The following THSD7A variants were observed in gnomAD, a reference collection of about 807,000 sequenced individuals.
THSD7A encodes the protein thrombospondin type 1 domain containing 7A, also known as thrombospondin type-1 domain-containing protein 7A.
THSD7A carries 96 observed loss-of-function variants against 231.3 expected under a neutral mutation model. That is an observed-to-expected ratio of 0.41 (90% confidence interval 0.35 to 0.49). The LOEUF (loss-of-function observed/expected upper bound fraction) is 0.49. Ranked by LOEUF, THSD7A falls within the 20% of genes least tolerant of loss-of-function variation. The probability of loss-of-function intolerance (pLI) is 0.05; values close to 1 mark genes in which losing one functional copy is unlikely to be tolerated. For synonymous variants in THSD7A, 940 were observed against 743.3 expected (o/e 1.26, Z -4.30); for missense variants, 2,290 against 2,070.2 (o/e 1.11, Z -2.06).
At chr7:11,635,991 G>C in intron 2 of THSD7A, 139 bp downstream of exon 2, 1 of 711,716 alleles carries the variant, frequency 1.4e-6, no homozygotes, top group Non-Finnish European at 2.2e-6. Flanking sequence ...CACAAGCTCA[G>C]AAGCCTTAAA....
chr7:11,472,565 C>T lies in THSD7A; in HGVS notation c.2252+1769G>A, dbSNP rs181424007. Among the ~76,000 whole-genome samples the T allele has an allele frequency of 3.6e-3, 544 of 152,146 alleles. 5 individuals carry two copies. Among genetic ancestry groups the T allele is most frequent in the Non-Finnish European group, 3.9e-3 (263 of 67,988 alleles). ...ATTTGATTTAACAAGTCTATAGATGCACATAAGTCATTGAATGAAGGCTGC... is the reference window on the plus strand; with the variant it reads ...ATTTGATTTAACAAGTCTATAGATGTACATAAGTCATTGAATGAAGGCTGC... On this transcript the variant is annotated intron_variant, in intron 8 of 27. Transcript: ENST00000423059.
Position 11,795,130 on chromosome 7 carries a change from C to T in THSD7A, c.190+36627G>A, listed in dbSNP as rs963129635. On this transcript the variant is annotated intron_variant, in intron 1 of 27. Coordinates refer to ENST00000423059, the MANE Select transcript of THSD7A (RefSeq NM_015204.3). ...ACAGGGGTTTTTGTTTGTCTTTAAC[C>T]GAGTTTTATAAAAGATTTGAGAGAG... is the stretch of plus-strand genomic sequence containing the variant. 5.3e-5 allele frequency among the ~76,000 whole-genome samples: 8 copies of T among 151,394 alleles called. No homozygotes were observed. In the South Asian group the frequency reaches 8.3e-4, roughly 16 times the overall value.
At chr7:11,734,579 A>G (rs539204232) in intron 1 of THSD7A, among the ~76,000 whole-genome samples, 2 of 151,988 alleles carry the variant, frequency 1.3e-5, no homozygotes, top group African/African-American at 2.4e-5. Flanking sequence ...CTATTTTCCA[A>G]CCTGACATGT....
chr7:11,831,851 C>A lies in THSD7A; in HGVS notation c.96G>T (p.Leu32=). 8.0e-7 allele frequency: 1 copy of A among 1,248,252 alleles called. No homozygotes were observed. The highest frequency in any genetic ancestry group is 1.0e-6 in the Non-Finnish European group (1 of 986,458). 77.3% of individuals were successfully genotyped at this position (1,248,252 alleles called of 1,614,324 possible). A position where few individuals can be genotyped will look rare whatever the true frequency, so the allele number is the denominator to read the frequency against. The change falls in exon 1 of 28, where the codon CTG becomes CTT. Residue 32 remains leucine, a synonymous_variant. Transcript: ENST00000423059. The surrounding 1 kb of genome is among the most constrained non-coding windows in gnomAD (Gnocchi z 5.0). The part of the protein sequence containing the change: ...VLQLLPLPLP[L]PLLLLLLLRP... ...GTAGCAGCAGCAGCAGGAGCAGCGG[C>A]AGCGGCAGCGGCAGCGGCAGCAGCT...
chr7:11,611,204 C>G (rs1780909813), intron 2 of THSD7A, among the ~76,000 whole-genome samples: 1 of 151,836 alleles, frequency 6.6e-6, no homozygotes, highest in African/African-American at 2.4e-5. Context: ...GAAGATCTAA[C>G]TTAATCAATA....
intron 6 of THSD7A, among the ~76,000 whole-genome samples, chr7:11,534,117 G>C (rs188499031): frequency 1.8e-4 from 27 of 152,278 alleles, no homozygotes; most frequent in Admixed American, 5.2e-4. Flanking sequence ...CTTTAAGCCT[G>C]ATAATATAAT....
chr7:11,584,116 A>T (rs1791288731), intron 4 of THSD7A, among the ~76,000 whole-genome samples: 1 of 152,146 alleles, frequency 6.6e-6, no homozygotes, highest in African/African-American at 2.4e-5. Flanking sequence ...CTAGGTTCCC[A>T]AAATGTGTAA....
intron 4 of THSD7A, among the ~76,000 whole-genome samples, chr7:11,557,117 G>C (rs1213111791): frequency 1.3e-5 from 2 of 151,612 alleles, no homozygotes; most frequent in African/African-American, 4.8e-5. Context: ...TAGATCTTTT[G>C]TTACAGTCCC....
At chr7:11,410,162 C>T (rs192823561) in intron 19 of THSD7A, among the ~76,000 whole-genome samples, 3 of 152,106 alleles carry the variant, frequency 2.0e-5, no homozygotes, top group East Asian at 1.9e-4. Context: ...CATTAGGTAA[C>T]GTTACAAGGT....
At position 11,471,262 on chromosome 7, in the gene THSD7A, A is replaced by G. The variant is rs545212356; in HGVS notation, c.2253-1268T>C. On this transcript the variant is annotated intron_variant, in intron 8 of 27. Transcript: ENST00000423059. ...TGAAAAAATAATCTAAACAACTAGT[A>G]TAGTTCTTGCTAAAATAAATTGGCA... Among the ~76,000 whole-genome samples the G allele has an allele frequency of 2.6e-5, 4 of 152,178 alleles. No individual in the cohort carries two copies. The East Asian group carries it at 5.8e-4, about 22-fold the overall frequency.
chr7:11,520,369 C>T (rs747035748), intron 6 of THSD7A, among the ~76,000 whole-genome samples: 3 of 152,058 alleles, frequency 2.0e-5, no homozygotes, highest in Non-Finnish European at 2.9e-5. Context: ...GCATAACAAG[C>T]CTGACACATA....
intron 1 of THSD7A, among the ~76,000 whole-genome samples, chr7:11,723,165 T>A (rs147483702): frequency 0.14 from 20,944 of 151,974 alleles, 1,890 homozygotes; most frequent in South Asian, 0.21. Context: ...GATGAGTTCA[T>A]GCCCTTTGTA....
At chr7:11,540,697 C>G (rs1359492871) in intron 6 of THSD7A, among the ~76,000 whole-genome samples, 2 of 152,060 alleles carry the variant, frequency 1.3e-5, no homozygotes, top group African/African-American at 4.8e-5. Context: ...AGGAGTTCTC[C>G]CCAAAACAGT....
chr7:11,532,448 G>A (rs1457365383), intron 6 of THSD7A, among the ~76,000 whole-genome samples: 1 of 152,198 alleles, frequency 6.6e-6, no homozygotes, highest in East Asian at 1.9e-4. Context: ...AGGCTGAAAA[G>A]CAGGCAAGAA....
intron 11 of THSD7A, among the ~76,000 whole-genome samples, chr7:11,455,544 T>G (rs1308364864): frequency 1.3e-5 from 2 of 152,046 alleles, no homozygotes; most frequent in Non-Finnish European, 2.9e-5. Context: ...GTAAAGGAAT[T>G]GGGTCATAAA....
At chr7:11,547,250 T>C (rs993358373) in intron 4 of THSD7A, among the ~76,000 whole-genome samples, 1 of 152,000 alleles carries the variant, frequency 6.6e-6, no homozygotes, top group African/African-American at 2.4e-5. Context: ...CAAAAACAAA[T>C]CTAGACAACA....
chr7:11,737,296 T>C (rs1019639526), intron 1 of THSD7A, among the ~76,000 whole-genome samples: 1 of 143,204 alleles, frequency 7.0e-6, no homozygotes, highest in Non-Finnish European at 1.5e-5. Flanking sequence ...CTGTTTTATG[T>C]GTGGTGGTGG....
chr7:11,379,638 A>AG lies in THSD7A; in HGVS notation c.4581dup (p.Cys1528LeufsTer2). On this transcript the variant is annotated frameshift_variant, in exon 25 of 28. Transcript: ENST00000423059. LOFTEE classifies it high-confidence loss of function. ...GATGAATTTTCACATACCTCGCTAC[A>AG]GTACGAGTGGGGTTGACTACACGGT... 1 of 1,582,120 alleles carries AG rather than the reference A, an allele frequency of 6.3e-7. No homozygotes were observed. Among genetic ancestry groups the AG allele is most frequent in the Non-Finnish European group, 8.6e-7 (1 of 1,163,212 alleles).
Position 11,481,867 on chromosome 7 carries a change from G to C in THSD7A, c.1938C>G (p.Cys646Trp). The change falls in exon 7 of 28, where the codon TGC becomes TGG. Residue 646 changes from cysteine to tryptophan, a missense_variant. Coordinates refer to ENST00000423059, the MANE Select transcript of THSD7A (RefSeq NM_015204.3). Reference protein sequence around the residue: ...VLSTWSTWSSCSHTCSGKTTE... With the variant: ...VLSTWSTWSSWSHTCSGKTTE... ...TCGTTTTCCCTGAGCAGGTGTGTGA[G>C]CAGGAGGACCACGTAGACCATGTGC... The C allele has an allele frequency of 6.2e-7, 1 of 1,613,774 alleles. No individual in the cohort carries two copies. Among genetic ancestry groups the C allele is most frequent in the Non-Finnish European group, 8.5e-7 (1 of 1,179,732 alleles).
Sources: gnomAD v4.1 joint callset for allele counts (sites outside exome capture counted in the v4.1 genomes callset) on GRCh38, gnomAD v4.1.1 for gene constraint, Gnocchi (gnomAD v3.1) non-coding constraint, MANE v1.5 for transcripts, NCBI Gene and HGNC (gene_info 2026-07-23, HGNC 2026-07-21) for gene names.